Variants in CIB4 observed in about 807,000 individuals in gnomAD.
CIB4 encodes the protein calcium and integrin binding family member 4.
Under a neutral mutation model 25.8 loss-of-function variants are expected in CIB4, and 25 were observed. The ratio of observed to expected loss-of-function variants is 0.97; its 90% CI spans 0.71 to 1.35. The LOEUF (loss-of-function observed/expected upper bound fraction) is 1.35. CIB4 is among the 40% of genes most tolerant of loss of function. The pLI is 0.00. For synonymous variants in CIB4, 75 were observed against 81.4 expected (o/e 0.92, Z 0.42); for missense variants, 235 against 228.2 (o/e 1.03, Z -0.19).
chr2:26,583,729 G>T (rs1668395730), intron 5 of CIB4, 60 bp downstream of exon 5: 1 of 1,139,132 alleles, frequency 8.8e-7, no homozygotes, highest in Non-Finnish European at 1.3e-6. Context: ...GGGGGCTTTG[G>T]GTGACAACCT....
At chr2:26,607,430 T>A (rs907911333) in intron 3 of CIB4, among the ~76,000 whole-genome samples, 2 of 152,226 alleles carry the variant, frequency 1.3e-5, no homozygotes, top group Non-Finnish European at 2.9e-5. Flanking sequence ...TGTAGATAAA[T>A]ATCTATCCAC....
chr2:26,613,833 G>A (rs1390862474), intron 3 of CIB4, among the ~76,000 whole-genome samples: 1 of 152,240 alleles, frequency 6.6e-6, no homozygotes, highest in Non-Finnish European at 1.5e-5. Flanking sequence ...TCTCTCTGTA[G>A]TCGGGCCTGT....
At chr2:26,610,013 T>C (rs1668968433) in intron 3 of CIB4, among the ~76,000 whole-genome samples, 1 of 152,194 alleles carries the variant, frequency 6.6e-6, no homozygotes, top group South Asian at 2.1e-4. Flanking sequence ...CTCCTCTGCT[T>C]CTCGTGGGAG....
intron 3 of CIB4, among the ~76,000 whole-genome samples, chr2:26,619,668 G>A (rs1014285594): frequency 6.6e-6 from 1 of 152,194 alleles, no homozygotes; most frequent in Non-Finnish European, 1.5e-5. Flanking sequence ...AAACAGACAA[G>A]CAAGTGGGAA....
At chr2:26,581,710 G>A (rs1668348078) in intron 6 of CIB4, among the ~76,000 whole-genome samples, 2 of 152,238 alleles carry the variant, frequency 1.3e-5, no homozygotes, top group South Asian at 2.1e-4. Context: ...GGCTGTGACA[G>A]AACAAGAGGA....
At chr2:26,616,043 G>A (rs780862004) in intron 3 of CIB4, among the ~76,000 whole-genome samples, 10 of 152,288 alleles carry the variant, frequency 6.6e-5, no homozygotes, top group African/African-American at 7.2e-5. Flanking sequence ...CAAGGCTGCC[G>A]ATTTCCATCA....
intron 3 of CIB4, among the ~76,000 whole-genome samples, chr2:26,620,333 T>C (rs1039275186): frequency 2.6e-5 from 4 of 152,182 alleles, no homozygotes; most frequent in Non-Finnish European, 2.9e-5. Flanking sequence ...GGAAGGTCAA[T>C]TGCAAGTGTT....
intron 3 of CIB4, among the ~76,000 whole-genome samples, chr2:26,624,486 G>C (rs1433000073): frequency 1.3e-5 from 2 of 152,200 alleles, no homozygotes; most frequent in African/African-American, 4.8e-5. Flanking sequence ...CAAAGTTCTT[G>C]ACAACAGGTG....
intron 3 of CIB4, among the ~76,000 whole-genome samples, chr2:26,619,615 C>A (rs1333636948): frequency 2.6e-5 from 4 of 152,136 alleles, no homozygotes; most frequent in Non-Finnish European, 5.9e-5. Context: ...AACATAGAGA[C>A]CTGACAGGGA....
intron 3 of CIB4, among the ~76,000 whole-genome samples, chr2:26,624,262 C>T (rs757712278): frequency 6.6e-6 from 1 of 152,216 alleles, no homozygotes; most frequent in Admixed American, 6.5e-5. Flanking sequence ...ATTCCAGAGA[C>T]GTGTTCTGGG....
rs1181393571 is a variant in CIB4, at chr2:26,581,208, G to A, written c.*155C>T. Reference sequence around the variant, plus strand: ...AAAAAGCGATGATCTGATGGGCTAAGGAAAAGCTTTTTCTTTTATCTAATA... The same window carrying A: ...AAAAAGCGATGATCTGATGGGCTAAAGAAAAGCTTTTTCTTTTATCTAATA... On this transcript the variant is annotated 3_prime_UTR_variant, in exon 7 of 7. Coordinates refer to ENST00000288861, the MANE Select transcript of CIB4 (RefSeq NM_001029881.3). 1 of 650,120 alleles carries A rather than the reference G, an allele frequency of 1.5e-6. No individual in the cohort carries two copies. Among genetic ancestry groups the A allele is most frequent in the African/African-American group, 1.8e-5 (1 of 54,844 alleles). The allele number at this position is 650,120 out of a possible 1,614,324, so 40.3% of individuals were successfully genotyped here.
chr2:26,639,458 T>C (rs1669595908), intron 2 of CIB4, among the ~76,000 whole-genome samples: 1 of 152,098 alleles, frequency 6.6e-6, no homozygotes, highest in Non-Finnish European at 1.5e-5. Flanking sequence ...AATTTTGAAT[T>C]TTCTAGCCAG....
At chr2:26,622,952 C>T (rs1669233335) in intron 3 of CIB4, among the ~76,000 whole-genome samples, 1 of 151,492 alleles carries the variant, frequency 6.6e-6, no homozygotes, top group Non-Finnish European at 1.5e-5. Context: ...TTCTGCACTC[C>T]AACATGGGCA....
intron 2 of CIB4, among the ~76,000 whole-genome samples, chr2:26,630,178 G>A (rs1669390091): frequency 6.6e-6 from 1 of 152,172 alleles, no homozygotes; most frequent in Admixed American, 6.5e-5. Flanking sequence ...TGAAATGGCC[G>A]TGTGACCCCT....
At chr2:26,601,225 AAAAAAAATATAT>A (rs1284527223) in intron 3 of CIB4, among the ~76,000 whole-genome samples, 12 of 51,234 alleles carry the variant, frequency 2.3e-4, no homozygotes, top group Admixed American at 7.9e-4. Flanking sequence ...GTCAAAAAAA[AAAAAAAATATAT>A]ATATATATAT....
intron 3 of CIB4, among the ~76,000 whole-genome samples, chr2:26,620,402 C>T (rs1669182882): frequency 6.6e-6 from 1 of 152,228 alleles, no homozygotes; most frequent in Non-Finnish European, 1.5e-5. Context: ...TGCTCAGCAC[C>T]ACGGGGTGAC....
At chr2:26,637,494 G>T (rs1383517829) in intron 2 of CIB4, among the ~76,000 whole-genome samples, 1 of 151,666 alleles carries the variant, frequency 6.6e-6, no homozygotes, top group Non-Finnish European at 1.5e-5. Flanking sequence ...CAAAGAAAAT[G>T]CTCTATTCTC....
At chr2:26,589,277 T>C (rs1668541473) in intron 4 of CIB4, among the ~76,000 whole-genome samples, 1 of 147,398 alleles carries the variant, frequency 6.8e-6, no homozygotes, top group Non-Finnish European at 1.5e-5. Context: ...CTCCTCCTCC[T>C]TCTTTCCTCC....
chr2:26,611,042 A>C (rs1668987572), intron 3 of CIB4, among the ~76,000 whole-genome samples: 1 of 152,184 alleles, frequency 6.6e-6, no homozygotes, highest in Middle Eastern at 3.2e-3. Context: ...GCAAGGGGAG[A>C]AGTGGAAAAT....
Sources: allele counts gnomAD v4.1 joint callset (sites outside exome capture counted in the v4.1 genomes callset), GRCh38; gene constraint gnomAD v4.1.1; transcripts MANE v1.5; gene names NCBI Gene and HGNC (gene_info 2026-07-23, HGNC 2026-07-21).